PITPNC1: variants seen among roughly 807,000 people sequenced by gnomAD.
PITPNC1 encodes cytoplasmic phosphatidylinositol transfer protein 1.
A neutral mutation model predicts 44.7 loss-of-function variants in PITPNC1; 18 were observed. The ratio of observed to expected loss-of-function variants is 0.40; its 90% CI spans 0.28 to 0.60. The LOEUF (loss-of-function observed/expected upper bound fraction) is 0.60, where lower values mean the gene tolerates loss of function less well. Ranked by LOEUF, PITPNC1 falls within the 20% of genes least tolerant of loss-of-function variation. The probability of loss-of-function intolerance (pLI) is 0.39; values close to 1 mark genes in which losing one functional copy is unlikely to be tolerated. For synonymous variants in PITPNC1, 141 were observed against 149.6 expected, an observed-to-expected ratio of 0.94 and a Z score of 0.42; for missense variants, 290 against 418.4, an observed-to-expected ratio of 0.69 and a Z score of 2.68.
intron 1 of PITPNC1, among the ~76,000 whole-genome samples, chr17:67,379,809 A>G (rs2143772485): frequency 6.6e-6 from 1 of 152,316 alleles, no homozygotes; most frequent in Non-Finnish European, 1.5e-5. Flanking sequence ...TTTGGATTCT[A>G]GGAGCAATGT....
intron 6 of PITPNC1, among the ~76,000 whole-genome samples, chr17:67,663,889 C>T (rs906155545): frequency 3.3e-5 from 5 of 152,138 alleles, no homozygotes; most frequent in African/African-American, 1.2e-4. Context: ...TTTTAGCTAG[C>T]CCTCAATTTG....
intron 1 of PITPNC1, among the ~76,000 whole-genome samples, chr17:67,462,698 ATTTTTT>A (rs34015766): frequency 1.6e-5 from 2 of 122,340 alleles, no homozygotes; most frequent in African/African-American, 6.3e-5. Flanking sequence ...CACAATTGGA[ATTTTTT>A]TTTTTTTTTT....
At chr17:67,527,994 C>G (rs1443918370) in intron 1 of PITPNC1, among the ~76,000 whole-genome samples, 1 of 152,068 alleles carries the variant, frequency 6.6e-6, no homozygotes, top group African/African-American at 2.4e-5. Flanking sequence ...GAGTAAGACC[C>G]TGCTGCTTTT....
intron 1 of PITPNC1, among the ~76,000 whole-genome samples, chr17:67,443,785 C>G (rs913177275): frequency 6.6e-6 from 1 of 151,822 alleles, no homozygotes; most frequent in Non-Finnish European, 1.5e-5. Context: ...CAGGCGTCTG[C>G]CACCACGCCT....
At chr17:67,561,831 A>G (rs2040910895) in intron 4 of PITPNC1, among the ~76,000 whole-genome samples, 1 of 152,208 alleles carries the variant, frequency 6.6e-6, no homozygotes, top group African/African-American at 2.4e-5. Flanking sequence ...CCTGGGCTCA[A>G]GCAATCCTCC....
At chr17:67,529,871 C>G (rs924678262) in intron 1 of PITPNC1, among the ~76,000 whole-genome samples, 4 of 152,154 alleles carry the variant, frequency 2.6e-5, no homozygotes, top group Admixed American at 2.6e-4. Flanking sequence ...TCACTTGAGC[C>G]TGGTAGGCGG....
Position 67,527,871 on chromosome 17 carries a change from C to T in PITPNC1, c.49-4931C>T, listed in dbSNP as rs553324593. On this transcript the variant is annotated intron_variant, in intron 1 of 8. Transcript: ENST00000581322. ...TAAAAATTAACTGGGTGTGGTGGCA[C>T]ACTTCTGTAGTCCCAGCTACTCAAG... Among the ~76,000 whole-genome samples the T allele has an allele frequency of 5.3e-5, 8 of 152,184 alleles. No individual in the cohort carries two copies. The East Asian group carries it at 5.8e-4, about 11-fold the overall frequency.
intron 4 of PITPNC1, among the ~76,000 whole-genome samples, chr17:67,559,823 C>A (rs554207438): frequency 2.0e-5 from 3 of 152,028 alleles, no homozygotes; most frequent in Non-Finnish European, 4.4e-5. Context: ...TGCAGTGAGC[C>A]GGGATCATGC....
intron 2 of PITPNC1, among the ~76,000 whole-genome samples, chr17:67,545,835 A>G (rs1236587084): frequency 1.3e-5 from 2 of 152,130 alleles, no homozygotes; most frequent in African/African-American, 4.8e-5. Context: ...TGGGGTTGCA[A>G]TAGTGAACAG....
intron 5 of PITPNC1, among the ~76,000 whole-genome samples, chr17:67,596,217 T>C (rs530664795): frequency 3.3e-5 from 5 of 152,328 alleles, no homozygotes; most frequent in African/African-American, 9.6e-5. Flanking sequence ...AATTTTCTAG[T>C]AACTTAATTT....
chr17:67,411,799 T>C (rs2038502575), intron 1 of PITPNC1, among the ~76,000 whole-genome samples: 1 of 151,808 alleles, frequency 6.6e-6, no homozygotes. Context: ...GCTAAGCACT[T>C]ATGTATATTA....
At chr17:67,684,096 A>G (rs1215038044) in intron 8 of PITPNC1, among the ~76,000 whole-genome samples, 1 of 147,860 alleles carries the variant, frequency 6.8e-6, no homozygotes, top group East Asian at 2.0e-4. Flanking sequence ...CCATCTCATA[A>G]TGATCCAAAA....
At chr17:67,622,034 C>T (rs568627616) in intron 5 of PITPNC1, among the ~76,000 whole-genome samples, 2 of 152,210 alleles carry the variant, frequency 1.3e-5, no homozygotes, top group Admixed American at 6.5e-5. Context: ...CTTTGGGAGG[C>T]CAAGGCAGGC....
At chr17:67,635,708 T>C (rs2042024264) in intron 6 of PITPNC1, among the ~76,000 whole-genome samples, 1 of 152,116 alleles carries the variant, frequency 6.6e-6, no homozygotes, top group African/African-American at 2.4e-5. Flanking sequence ...TCTAAAAGAA[T>C]TGGCCAGAAA....
At chr17:67,450,877 CCCTCTGGTAA>C (rs1259765057) in intron 1 of PITPNC1, among the ~76,000 whole-genome samples, 3 of 152,196 alleles carry the variant, frequency 2.0e-5, no homozygotes, top group Non-Finnish European at 4.4e-5. Flanking sequence ...CCTTCCCCCA[CCCTCTGGTAA>C]CCTTTATCCT....
chr17:67,386,169 T>C (rs1400968145), intron 1 of PITPNC1, among the ~76,000 whole-genome samples: 1 of 152,226 alleles, frequency 6.6e-6, no homozygotes, highest in African/African-American at 2.4e-5. Flanking sequence ...ATATTATTTA[T>C]TGTAGGCATT....
intron 1 of PITPNC1, among the ~76,000 whole-genome samples, chr17:67,416,203 C>CTTTTTTTTTTTTTTTT (rs71687631): frequency 1.5e-5 from 1 of 67,614 alleles, no homozygotes; most frequent in African/African-American, 6.4e-5. Context: ...ACATGTATTG[C>CTTTTTTTTTTTTTTTT]TTTTTTTTTT....
At chr17:67,442,204 CATATATATATAT>C (rs10526037) in intron 1 of PITPNC1, among the ~76,000 whole-genome samples, 1,253 of 54,218 alleles carry the variant, frequency 0.023, 30 homozygotes, top group Middle Eastern at 0.086. Context: ...GGAAAATAAG[CATATATATATAT>C]ATATATATAT....
chr17:67,460,740 CTT>C lies in PITPNC1; in HGVS notation c.49-72041_49-72040del, dbSNP rs138545288. On this transcript the variant is annotated intron_variant, in intron 1 of 8. Coordinates refer to ENST00000581322, the MANE Select transcript of PITPNC1 (RefSeq NM_012417.4). The stretch of plus-strand genomic sequence containing the variant: ...CTTTCTTTTTTCTTTTTCTTTCTTT[CTT>C]TTTTTTTTTTTTTTTTTTTTGAGAC... 2.4e-3 allele frequency among the ~76,000 whole-genome samples: 287 copies of C among 121,502 alleles called. 2 individuals carry two copies. The highest frequency in any genetic ancestry group is 8.8e-3 in the African/African-American group (259 of 29,564). The allele number at this position is 121,502 out of a possible 152,430, so 79.7% of individuals were successfully genotyped here.
Sources: gnomAD v4.1 joint callset for allele counts (sites outside exome capture counted in the v4.1 genomes callset) on GRCh38, gnomAD v4.1.1 for gene constraint, MANE v1.5 for transcripts, NCBI Gene and HGNC (gene_info 2026-07-23, HGNC 2026-07-21) for gene names.